The following PCOLCE2 variants were observed in gnomAD, a reference collection of about 807,000 sequenced individuals.
PCOLCE2 encodes the protein procollagen C-proteinase enhancer 2.
A neutral mutation model predicts 47.0 loss-of-function variants in PCOLCE2; 42 were observed. The observed-to-expected ratio is 0.89, with a 90% CI of 0.70 to 1.16. PCOLCE2 has a LOEUF of 1.16. PCOLCE2 is among the 50% of genes most tolerant of loss of function. PCOLCE2 has a pLI of 0.00. For synonymous variants in PCOLCE2, 169 were observed against 191.7 expected (o/e 0.88, Z 0.98); for missense variants, 500 against 526.1 (o/e 0.95, Z 0.49).
In PCOLCE2 at chr3:142,883,893, A is replaced by G. The variant is rs149528717; in HGVS notation, c.192+3776T>C. 4.9e-3 allele frequency among the ~76,000 whole-genome samples: 749 copies of G among 152,236 alleles called. 6 individuals are homozygous for G. Among genetic ancestry groups the G allele is most frequent in the African/African-American group, 0.017 (701 of 41,536 alleles). ...ATCTTTATGCCAGGGGTGCCTGTGG[A>G]GCACAGAACGTAAGATGCCTGGTGG... On this transcript the variant is annotated intron_variant, in intron 2 of 8. Transcript: ENST00000295992.
At position 142,818,032 on chromosome 3, in the gene PCOLCE2, C is replaced by G. The variant is rs2108180366; in HGVS notation, c.*303G>C. 4.4e-6 allele frequency: 1 copy of G among 228,032 alleles called. No homozygotes were observed. Among genetic ancestry groups the G allele is most frequent in the East Asian group, 8.6e-5 (1 of 11,592 alleles). 14.1% of individuals were successfully genotyped at this position (228,032 alleles called of 1,614,324 possible). On this transcript the variant is annotated 3_prime_UTR_variant, in exon 9 of 9. Transcript: ENST00000295992. The stretch of plus-strand genomic sequence containing the variant: ...TCACACAACTCAATTCTAAAATATC[C>G]TTTTACAGAGATGTATAAATAAACG...
chr3:142,858,228 C>T (rs1210971718), intron 2 of PCOLCE2, among the ~76,000 whole-genome samples: 2 of 152,190 alleles, frequency 1.3e-5, no homozygotes, highest in Non-Finnish European at 2.9e-5. Context: ...CAGTGTGCAC[C>T]TGGCCTTGCA....
intron 6 of PCOLCE2, among the ~76,000 whole-genome samples, chr3:142,828,508 C>T (rs998905392): frequency 2.0e-5 from 3 of 151,868 alleles, no homozygotes; most frequent in African/African-American, 4.8e-5. Flanking sequence ...GTGGTGGGAG[C>T]GGGGTAGGGC....
intron 5 of PCOLCE2, among the ~76,000 whole-genome samples, chr3:142,837,575 A>G (rs1307048025): frequency 6.6e-5 from 10 of 152,234 alleles, no homozygotes. Context: ...GCAACAGAGT[A>G]GAAAAGGGTA....
At chr3:142,835,269 T>G (rs2108190458) in intron 5 of PCOLCE2, among the ~76,000 whole-genome samples, 1 of 152,314 alleles carries the variant, frequency 6.6e-6, no homozygotes, top group South Asian at 2.1e-4. Context: ...ATGTACAAGT[T>G]TACAAGTTTA....
chr3:142,837,658 G>A, intron 5 of PCOLCE2, among the ~76,000 whole-genome samples: 1 of 152,166 alleles, frequency 6.6e-6, no homozygotes, highest in Non-Finnish European at 1.5e-5. Flanking sequence ...AATATTGTAA[G>A]TGAAGTTATG....
rs143637402 is a variant in PCOLCE2, at chr3:142,872,504, C to G, written c.192+15165G>C. ...CCAGGCATGTAAAGCTTCTCAAGGGCAAGAGTCTCTGTTTGGCTCACTGAT... is the reference window on the plus strand; with the variant it reads ...CCAGGCATGTAAAGCTTCTCAAGGGGAAGAGTCTCTGTTTGGCTCACTGAT... On this transcript the variant is annotated intron_variant, in intron 2 of 8. Transcript: ENST00000295992. Among the ~76,000 whole-genome samples the G allele has an allele frequency of 1.9e-3, 290 of 152,204 alleles. 1 individual carries two copies. In the Middle Eastern group the frequency reaches 0.024, roughly 12 times the overall value.
intron 3 of PCOLCE2, among the ~76,000 whole-genome samples, chr3:142,847,421 T>C (rs1320735804): frequency 6.6e-6 from 1 of 152,232 alleles, no homozygotes; most frequent in African/African-American, 2.4e-5. Flanking sequence ...GATTATGGAC[T>C]GCTCTTGGGT....
At chr3:142,875,529 A>G (rs1355846313) in intron 2 of PCOLCE2, among the ~76,000 whole-genome samples, 3 of 152,252 alleles carry the variant, frequency 2.0e-5, no homozygotes, top group Admixed American at 6.5e-5. Flanking sequence ...GCCAAAAGGT[A>G]GAAGCACACC....
In PCOLCE2 at chr3:142,827,149, G is replaced by A. The variant is rs142996570; in HGVS notation, c.865+2543C>T. The A allele has an allele frequency of 1.2e-3, 1,669 of 1,443,774 alleles. 17 individuals carry two copies. In the African/African-American group the frequency reaches 0.013, roughly 11 times the overall value. 89.4% of individuals were successfully genotyped at this position (1,443,774 alleles called of 1,614,324 possible). A position where few individuals can be genotyped will look rare whatever the true frequency, so the allele number is the denominator to read the frequency against. On this transcript the variant is annotated intron_variant, in intron 6 of 8. Transcript: ENST00000295992. ...GTTCCCCAGAGACGTCCAGTCTGGC[G>A]GGCAGCAATGAGACCCATTTTGCAG...
Position 142,829,737 on chromosome 3 carries a change from T to C in PCOLCE2, c.820A>G (p.Thr274Ala), listed in dbSNP as rs753867765. 5.6e-6 allele frequency: 9 copies of C among 1,610,374 alleles called. No individual in the cohort carries two copies. Among genetic ancestry groups the C allele is most frequent in the East Asian group, 2.2e-5 (1 of 44,822 alleles). ...HYIFRPKKLP[T>A]TTEQPVTTTF... is the part of the protein sequence containing the mutation. ...GTGGTGACAGGCTGTTCTGTAGTTG[T>C]AGGCAGTTTTTTTGGCCTGAATATG... Residue 274 changes from threonine to alanine, a missense_variant, in exon 6 of 9, where the codon ACA becomes GCA. Thr to Ala is a moderately conservative substitution (Grantham distance 58, BLOSUM62 0). Transcript: ENST00000295992.
At chr3:142,851,828 G>T (rs78508503) in intron 2 of PCOLCE2, among the ~76,000 whole-genome samples, 1 of 152,238 alleles carries the variant, frequency 6.6e-6, no homozygotes, top group Non-Finnish European at 1.5e-5. Context: ...TTCATTGGCA[G>T]GTTCTTGGTT....
intron 4 of PCOLCE2, among the ~76,000 whole-genome samples, chr3:142,840,684 T>C (rs1449312934): frequency 6.6e-6 from 1 of 152,184 alleles, no homozygotes; most frequent in Non-Finnish European, 1.5e-5. Context: ...TAAATTGTAT[T>C]AAAATATTTC....
intron 2 of PCOLCE2, among the ~76,000 whole-genome samples, chr3:142,865,237 AATG>A (rs370097832): frequency 6.6e-6 from 1 of 152,118 alleles, no homozygotes; most frequent in East Asian, 1.9e-4. Context: ...TCTAATGACC[AATG>A]ATGTTGAGCA....
At chr3:142,867,581 T>C (rs1436798104) in intron 2 of PCOLCE2, among the ~76,000 whole-genome samples, 18 of 152,156 alleles carry the variant, frequency 1.2e-4, no homozygotes, top group Admixed American at 1.2e-3. Flanking sequence ...TAATGTACAC[T>C]TCACAAAGAC....
At chr3:142,839,023 G>T in intron 4 of PCOLCE2, 117 bp from the exon 5 acceptor site, 2 of 740,290 alleles carry the variant, frequency 2.7e-6, no homozygotes, top group Admixed American at 2.8e-5. Context: ...TGTAAAAAAA[G>T]TATGCATTAA....
intron 5 of PCOLCE2, among the ~76,000 whole-genome samples, chr3:142,833,148 A>G (rs1937168921): frequency 6.6e-6 from 1 of 151,856 alleles, no homozygotes; most frequent in South Asian, 2.1e-4. Context: ...ATGTTTTTAA[A>G]CGTCATAAAT....
intron 8 of PCOLCE2, among the ~76,000 whole-genome samples, chr3:142,818,724 GCA>G (rs1449161246): frequency 6.6e-6 from 1 of 152,140 alleles, no homozygotes; most frequent in Non-Finnish European, 1.5e-5. Flanking sequence ...GGGACTACAG[GCA>G]CACGCCATTG....
intron 2 of PCOLCE2, among the ~76,000 whole-genome samples, chr3:142,852,870 C>T (rs1288817359): frequency 5.3e-5 from 8 of 151,052 alleles, no homozygotes; most frequent in Non-Finnish European, 1.0e-4. Flanking sequence ...TTTGGGAGGC[C>T]GAGGCAGGAG....
Sources: gnomAD v4.1 joint callset for allele counts (sites outside exome capture counted in the v4.1 genomes callset) on GRCh38, gnomAD v4.1.1 for gene constraint, MANE v1.5 for transcripts, NCBI Gene and HGNC (gene_info 2026-07-23, HGNC 2026-07-21) for gene names.